The following NHSL3 variants were observed in gnomAD, a reference collection of about 807,000 sequenced individuals.
The protein encoded by NHSL3 is NHS-like protein 3.
the NHSL3 span, among the ~76,000 whole-genome samples, chr1:32,745,104 C>T: frequency 7.3e-6 from 1 of 136,902 alleles, no homozygotes; most frequent in South Asian, 2.3e-4. Flanking sequence ...CCAGCCTGGG[C>T]AACAGAGCGA....
chr1:32,770,605 C>G, the NHSL3 span: 1 of 1,516,484 alleles, frequency 6.6e-7, no homozygotes, highest in Non-Finnish European at 8.8e-7. This position sits in a 1 kb window ranked among gnomAD's most constrained non-coding sequence, Gnocchi z 8.3. Context: ...CTCAGACACA[C>G]TCAGCATTCG....
At chr1:32,755,163 G>C in the NHSL3 span, among the ~76,000 whole-genome samples, 1 of 152,224 alleles carries the variant, frequency 6.6e-6, no homozygotes, top group African/African-American at 2.4e-5. Context: ...CTGAAGGAGG[G>C]GCTATCGAGA....
the NHSL3 span, among the ~76,000 whole-genome samples, chr1:32,766,446 ACTGCTGGGTGACCT>A: frequency 1.2e-4 from 19 of 152,140 alleles, no homozygotes; most frequent in Admixed American, 1.3e-4. Flanking sequence ...TCTGACTCCT[ACTGCTGGGTGACCT>A]TAGGCAAGGC....
the NHSL3 span, chr1:32,771,701 C>T: frequency 6.2e-7 from 1 of 1,612,440 alleles, no homozygotes; most frequent in Admixed American, 1.7e-5. Context: ...GCTCCGCCAG[C>T]CCCAGCTCCT....
the NHSL3 span, chr1:32,770,041 A>T: frequency 6.3e-7 from 1 of 1,582,620 alleles, no homozygotes. This position sits in a 1 kb window ranked among gnomAD's most constrained non-coding sequence, Gnocchi z 8.3. Context: ...TGGCGCTGAG[A>T]CAGAGGCCAT....
chr1:32,746,459 A>G, the NHSL3 span, among the ~76,000 whole-genome samples: 4 of 152,142 alleles, frequency 2.6e-5, no homozygotes, highest in African/African-American at 4.8e-5. Flanking sequence ...TGGGAAGAGA[A>G]GTAACAGGAA....
chr1:32,744,466 G>A, the NHSL3 span, among the ~76,000 whole-genome samples: 1 of 152,116 alleles, frequency 6.6e-6, no homozygotes, highest in African/African-American at 2.4e-5. Flanking sequence ...TGACCAAACG[G>A]ATTTAAACTC....
chr1:32,754,261 G>T, the NHSL3 span: 1 of 650,572 alleles, frequency 1.5e-6, no homozygotes, highest in South Asian at 1.7e-5. Context: ...CCCCCTCCCG[G>T]GGCTTGGAGG....
chr1:32,773,956 G>A, the NHSL3 span: 1 of 152,720 alleles, frequency 6.5e-6, no homozygotes, highest in African/African-American at 2.4e-5. Context: ...ACAAGGATGG[G>A]AAGCCACAGG....
the NHSL3 span, chr1:32,768,040 A>G: frequency 6.2e-7 from 1 of 1,613,792 alleles, no homozygotes; most frequent in Non-Finnish European, 8.5e-7. Flanking sequence ...CTAACCCAAC[A>G]GACCCTTCTG....
the NHSL3 span, among the ~76,000 whole-genome samples, chr1:32,757,867 G>A: frequency 1.3e-5 from 2 of 152,284 alleles, no homozygotes; most frequent in African/African-American, 4.8e-5. Flanking sequence ...CACCCTGCAC[G>A]TCCTCTGGGC....
At chr1:32,769,225 G>A in the NHSL3 span, among the ~76,000 whole-genome samples, 2 of 151,948 alleles carry the variant, frequency 1.3e-5, no homozygotes, top group South Asian at 4.2e-4. Flanking sequence ...CTGCACTCCA[G>A]CCTGGTCGAC....
At chr1:32,770,891 C>G in the NHSL3 span, 2 of 1,609,864 alleles carry the variant, frequency 1.2e-6, no homozygotes, top group Non-Finnish European at 1.7e-6. The surrounding 1 kb of genome is among the most constrained non-coding windows in gnomAD (Gnocchi z 8.3). Flanking sequence ...CGGCGCCCCC[C>G]ACGGTCCCCA....
the NHSL3 span, chr1:32,769,611 C>T: frequency 1.6e-6 from 2 of 1,234,280 alleles, no homozygotes; most frequent in Non-Finnish European, 1.2e-6. Context: ...AAAAGTAGTG[C>T]CCTGCAGAAT....
chr1:32,772,927 AACAC>A, the NHSL3 span: 1 of 1,606,926 alleles, frequency 6.2e-7, no homozygotes, highest in Non-Finnish European at 8.5e-7. Flanking sequence ...CCATCCCAGA[AACAC>A]AATCTCAGGG....
chr1:32,760,693 C>T, the NHSL3 span, among the ~76,000 whole-genome samples: 2 of 151,512 alleles, frequency 1.3e-5, no homozygotes, highest in Non-Finnish European at 2.9e-5. Context: ...TGGGTTCAAG[C>T]GATTCTCCTG....
the NHSL3 span, chr1:32,774,729 G>C: frequency 6.6e-6 from 1 of 152,590 alleles, no homozygotes; most frequent in South Asian, 2.1e-4. Context: ...GTCTAGAAGA[G>C]GCAGCCCTTC....
chr1:32,754,084 C>G, the NHSL3 span: 1 of 662,664 alleles, frequency 1.5e-6, no homozygotes, highest in Non-Finnish European at 2.8e-6. Context: ...GGCTCCCGCA[C>G]CCGCAATGGG....
the NHSL3 span, among the ~76,000 whole-genome samples, chr1:32,765,098 A>G: frequency 6.6e-6 from 1 of 152,232 alleles, no homozygotes; most frequent in East Asian, 1.9e-4. Flanking sequence ...TTGCCAAAGT[A>G]GGAAGAAAGT....
Sources: allele counts gnomAD v4.1 joint callset (sites outside exome capture counted in the v4.1 genomes callset), GRCh38; gene constraint gnomAD v4.1.1; non-coding constraint Gnocchi (gnomAD v3.1); transcripts MANE v1.5; gene names NCBI Gene and HGNC (gene_info 2026-07-23, HGNC 2026-07-21).